CDH23: variants seen among roughly 807,000 people sequenced by gnomAD.
CDH23 encodes the protein cadherin-23.
In CDH23, 189 loss-of-function variants were observed where a neutral mutation model predicts 317.1. That is an observed-to-expected ratio of 0.60 (90% CI 0.53 to 0.67). CDH23 has a LOEUF of 0.67. CDH23 is among the 30% of genes least tolerant of loss of function. The pLI, the probability that CDH23 is intolerant of heterozygous loss-of-function variation, is 0.00. For missense variants in CDH23, 4,401 were observed against 4,592.4 expected (o/e 0.96, Z 1.20); for synonymous variants, 1,839 against 1,876.8 (o/e 0.98, Z 0.52).
At chr10:71,421,807 TGTG>T (rs1445272507) in intron 1 of CDH23, among the ~76,000 whole-genome samples, 3 of 151,596 alleles carry the variant, frequency 2.0e-5, no homozygotes, top group African/African-American at 7.3e-5. Context: ...AAGAGGCTGG[TGTG>T]GTGGATTGTG....
intron 6 of CDH23, among the ~76,000 whole-genome samples, chr10:71,536,628 G>A (rs528530842): frequency 1.1e-4 from 16 of 152,262 alleles, no homozygotes; most frequent in Admixed American, 2.0e-4. Context: ...CTTTTGGGTG[G>A]GGCAGGGTTG....
chr10:71,511,057 C>T (rs1853948133), intron 5 of CDH23, 56 bp downstream of exon 5: 10 of 1,611,820 alleles, frequency 6.2e-6, no homozygotes, highest in South Asian at 2.2e-5. Flanking sequence ...GATTTCTGGA[C>T]CCCTAGGGTG....
At chr10:71,506,031 C>A (rs1468666695) in intron 3 of CDH23, among the ~76,000 whole-genome samples, 13 of 152,124 alleles carry the variant, frequency 8.5e-5, no homozygotes. Flanking sequence ...TACATTCACA[C>A]AAGGGAATAT....
chr10:71,408,955 G>A (rs889278971), intron 1 of CDH23, among the ~76,000 whole-genome samples: 2 of 152,024 alleles, frequency 1.3e-5, no homozygotes, highest in South Asian at 2.1e-4. Context: ...ATGTGTGCAC[G>A]TGTGTGTGTG....
chr10:71,515,616 A>G (rs1854293215), intron 6 of CDH23, among the ~76,000 whole-genome samples: 2 of 152,110 alleles, frequency 1.3e-5, no homozygotes, highest in South Asian at 4.1e-4. Context: ...CATGCAGGAT[A>G]GGAAAAAATG....
intron 3 of CDH23, among the ~76,000 whole-genome samples, chr10:71,489,401 T>G (rs968197771): frequency 6.6e-6 from 1 of 152,236 alleles, no homozygotes; most frequent in Non-Finnish European, 1.5e-5. Flanking sequence ...ATATTTTGAT[T>G]CCTAAGGGCT....
At chr10:71,509,952 T>G in intron 3 of CDH23, 130 bp from the exon 4 acceptor site, 1 of 997,330 alleles carries the variant, frequency 1.0e-6, no homozygotes, top group Non-Finnish European at 1.5e-6. Flanking sequence ...GGCCTTGTGA[T>G]GATCTGTGGC....
intron 11 of CDH23, among the ~76,000 whole-genome samples, chr10:71,635,808 C>G (rs1862242135): frequency 6.6e-6 from 1 of 152,088 alleles, no homozygotes. Flanking sequence ...TGACGGTTGG[C>G]TTGTAAACAT....
chr10:71,679,328 C>A, intron 16 of CDH23, 59 bp from the exon 17 acceptor site: 3 of 956,102 alleles, frequency 3.1e-6, no homozygotes, highest in South Asian at 2.7e-5. Flanking sequence ...GCTGCCCACC[C>A]TCTTCTGGCC....
chr10:71,750,086 TA>T (rs929262184), intron 38 of CDH23: 1 of 152,218 alleles, frequency 6.6e-6, no homozygotes, highest in African/African-American at 2.4e-5. Flanking sequence ...TCCCCTGCTT[TA>T]AAATCCTTCA....
chr10:71,464,605 G>C (rs561071252), intron 3 of CDH23, among the ~76,000 whole-genome samples: 8 of 152,124 alleles, frequency 5.3e-5, no homozygotes, highest in Non-Finnish European at 1.0e-4. Flanking sequence ...GCTGGAGCCT[G>C]GGTGGATGAC....
At chr10:71,586,814 A>C (rs989380819) in intron 9 of CDH23, among the ~76,000 whole-genome samples, 1 of 152,234 alleles carries the variant, frequency 6.6e-6, no homozygotes, top group African/African-American at 2.4e-5. Context: ...CATGTTATAC[A>C]TAGGCTCCTG....
At chr10:71,683,589 G>A (rs906609221) in intron 18 of CDH23, among the ~76,000 whole-genome samples, 5 of 152,224 alleles carry the variant, frequency 3.3e-5, no homozygotes, top group African/African-American at 1.2e-4. Flanking sequence ...TGATGGGAAA[G>A]TCAAAGTGAT....
intron 14 of CDH23, among the ~76,000 whole-genome samples, chr10:71,672,105 A>T (rs1864173032): frequency 6.6e-6 from 1 of 151,980 alleles, no homozygotes; most frequent in Non-Finnish European, 1.5e-5. Flanking sequence ...CAGGGCTGGG[A>T]ATACTGAGTG....
At chr10:71,674,533 A>G (rs1390265975) in intron 14 of CDH23, among the ~76,000 whole-genome samples, 1 of 152,210 alleles carries the variant, frequency 6.6e-6, no homozygotes, top group Non-Finnish European at 1.5e-5. Context: ...CAGAGGTCAC[A>G]TCTAGACCTC....
intron 3 of CDH23, among the ~76,000 whole-genome samples, chr10:71,499,932 G>A (rs373036755): frequency 2.0e-5 from 3 of 150,116 alleles, no homozygotes; most frequent in South Asian, 2.1e-4. Flanking sequence ...CAGGAGAATC[G>A]CTTGAGCCTG....
chr10:71,636,335 C>T (rs887411824), intron 11 of CDH23, among the ~76,000 whole-genome samples: 9 of 151,992 alleles, frequency 5.9e-5, no homozygotes, highest in African/African-American at 1.7e-4. Flanking sequence ...TCCTGGGCAA[C>T]TTAGGGAGAC....
intron 1 of CDH23, among the ~76,000 whole-genome samples, chr10:71,398,366 C>T (rs1351800997): frequency 2.0e-5 from 3 of 152,066 alleles, no homozygotes; most frequent in Non-Finnish European, 2.9e-5. Context: ...CCTCGCCTTC[C>T]AGCCCCTTGG....
intron 14 of CDH23, among the ~76,000 whole-genome samples, chr10:71,655,040 C>T (rs1863358526): frequency 6.6e-6 from 1 of 152,178 alleles, no homozygotes; most frequent in Non-Finnish European, 1.5e-5. Flanking sequence ...CATACCACTT[C>T]TGAGCAGTCA....
Sources: gnomAD v4.1 joint callset for allele counts (sites outside exome capture counted in the v4.1 genomes callset) on GRCh38, gnomAD v4.1.1 for gene constraint, MANE v1.5 for transcripts, NCBI Gene and HGNC (gene_info 2026-07-23, HGNC 2026-07-21) for gene names.